Variants in FRY observed in about 807,000 individuals in gnomAD.
FRY encodes FRY microtubule binding protein.
Under a neutral mutation model 348.4 loss-of-function variants are expected in FRY, and 128 were observed. That is an observed-to-expected ratio of 0.37 (90% CI 0.32 to 0.43). The LOEUF (loss-of-function observed/expected upper bound fraction) is 0.43. Ranked by LOEUF, FRY falls within the 20% of genes least tolerant of loss-of-function variation. The pLI is 1.00. For synonymous variants in FRY, 1,370 were observed against 1,374.7 expected, an observed-to-expected ratio of 1.00 and a Z score of 0.08; for missense variants, 2,736 against 3,695.2, an observed-to-expected ratio of 0.74 and a Z score of 6.73.
At chr13:32,187,520 A>G in intron 27 of FRY, 26 bp from the exon 28 acceptor site, 1 of 1,339,008 alleles carries the variant, frequency 7.5e-7, no homozygotes, top group South Asian at 1.2e-5. Flanking sequence ...TTTCATTTCC[A>G]TGTCTTGTTG....
chr13:32,276,706 T>C lies in FRY; in HGVS notation c.8385+144T>C. 3 of 696,980 alleles carry C rather than the reference T, an allele frequency of 4.3e-6. No individual in the cohort carries two copies. The South Asian group carries it at 4.6e-5, about 11-fold the overall frequency. 43.2% of individuals were successfully genotyped at this position (696,980 alleles called of 1,614,324 possible). On this transcript the variant is annotated intron_variant, in intron 57 of 60. Transcript: ENST00000542859. ...GTTAAGGATTACAATTCCAATTTAA[T>C]GGTGGTAGAACTGTATACAATATTA...
intron 3 of FRY, among the ~76,000 whole-genome samples, chr13:32,108,861 C>A (rs1261123695): frequency 6.6e-6 from 1 of 152,138 alleles, no homozygotes; most frequent in East Asian, 1.9e-4. Context: ...CCATTGTAAA[C>A]AAACATTTCC....
At chr13:32,180,844 T>C (rs1161820776) in intron 23 of FRY, among the ~76,000 whole-genome samples, 1 of 152,156 alleles carries the variant, frequency 6.6e-6, no homozygotes, top group Non-Finnish European at 1.5e-5. Flanking sequence ...TTAGAGGCTA[T>C]TGAAAAAGAT....
intron 36 of FRY, among the ~76,000 whole-genome samples, chr13:32,224,002 G>T (rs555302070): frequency 1.3e-5 from 2 of 152,144 alleles, no homozygotes; most frequent in Non-Finnish European, 2.9e-5. Context: ...CTCCCAAAGT[G>T]CTGGGATTAC....
chr13:32,108,141 G>C (rs1035758354), intron 3 of FRY, among the ~76,000 whole-genome samples: 5 of 152,198 alleles, frequency 3.3e-5, no homozygotes, highest in Admixed American at 2.6e-4. Flanking sequence ...GGGTCAGGCA[G>C]TGCACAACCA....
intron 55 of FRY, among the ~76,000 whole-genome samples, chr13:32,270,595 T>C (rs544029804): frequency 2.3e-4 from 35 of 152,382 alleles, no homozygotes; most frequent in African/African-American, 6.3e-4. Context: ...GGATTATTCA[T>C]GCTTAATTTG....
chr13:32,239,296 C>A lies in FRY; in HGVS notation c.6463C>A (p.His2155Asn). The A allele has an allele frequency of 6.2e-7, 1 of 1,612,194 alleles. No individual in the cohort carries two copies. Among genetic ancestry groups the A allele is most frequent in the Non-Finnish European group, 8.5e-7 (1 of 1,178,246 alleles). ...VLCLLPQLIQ[H>N]FENPNQFCKD... Reference sequence around the variant, plus strand: ...GTGTCTCCTGCCTCAGCTGATTCAGCATTTTGAAAATCCCAATCAGTTCTG... The same window carrying A: ...GTGTCTCCTGCCTCAGCTGATTCAGAATTTTGAAAATCCCAATCAGTTCTG... The change falls in exon 45 of 61, where the codon CAT (histidine) becomes AAT (asparagine). Residue 2155 changes from histidine to asparagine, a missense_variant. This residue lies in a region of FRY where 789 missense variants were observed against 996.2 expected (regional missense o/e 0.79). Transcript: ENST00000542859. The surrounding 1 kb of genome is among the most constrained non-coding windows in gnomAD (Gnocchi z 4.3).
At chr13:32,121,016 T>C (rs761569135) in intron 4 of FRY, among the ~76,000 whole-genome samples, 5 of 152,248 alleles carry the variant, frequency 3.3e-5, no homozygotes, top group Non-Finnish European at 7.3e-5. Context: ...CACATATCAA[T>C]AGAATGTTTG....
intron 1 of FRY, among the ~76,000 whole-genome samples, chr13:32,032,786 AT>A (rs1471383394): frequency 6.6e-6 from 1 of 152,222 alleles, no homozygotes; most frequent in Non-Finnish European, 1.5e-5. Context: ...ATCAGCAGGT[AT>A]TACTGATGCT....
chr13:32,153,410 T>C (rs1351297885), intron 14 of FRY, among the ~76,000 whole-genome samples: 2 of 152,202 alleles, frequency 1.3e-5, no homozygotes, highest in East Asian at 3.8e-4. Flanking sequence ...TCAAAAGCAT[T>C]GTGCTCAGTG....
intron 8 of FRY, among the ~76,000 whole-genome samples, chr13:32,134,341 T>C (rs10219883): frequency 0.21 from 32,705 of 152,140 alleles, 3,729 homozygotes; most frequent in Middle Eastern, 0.27. Context: ...GTTTCCTTGT[T>C]GAGGTGGGAG....
At chr13:32,245,724 CA>C (rs1034434571) in intron 47 of FRY, among the ~76,000 whole-genome samples, 2 of 152,176 alleles carry the variant, frequency 1.3e-5, no homozygotes, top group African/African-American at 4.8e-5. Flanking sequence ...GGCTCCAGGC[CA>C]TGGGAGTAGT....
intron 1 of FRY, among the ~76,000 whole-genome samples, chr13:32,050,134 GT>G (rs1396295301): frequency 1.3e-5 from 2 of 152,034 alleles, no homozygotes; most frequent in African/African-American, 4.8e-5. Context: ...ATTTTCTTTG[GT>G]TTTGTTTTTC....
intron 41 of FRY, among the ~76,000 whole-genome samples, chr13:32,233,157 C>T (rs1191116432): frequency 6.6e-6 from 1 of 152,160 alleles, no homozygotes; most frequent in Non-Finnish European, 1.5e-5. Flanking sequence ...AGTCAATTTT[C>T]CAGGACCCTC....
intron 31 of FRY, among the ~76,000 whole-genome samples, chr13:32,203,749 C>T (rs1213294585): frequency 6.6e-6 from 1 of 152,032 alleles, no homozygotes; most frequent in Non-Finnish European, 1.5e-5. Context: ...TGTCACCTAA[C>T]TTCTTGCCTA....
intron 1 of FRY, among the ~76,000 whole-genome samples, chr13:32,055,183 C>T (rs1012785538): frequency 2.0e-5 from 3 of 151,962 alleles, no homozygotes; most frequent in African/African-American, 7.2e-5. Context: ...TACCTGGGCC[C>T]ACAGGTGCAT....
intron 35 of FRY, among the ~76,000 whole-genome samples, chr13:32,215,185 G>A (rs1884919470): frequency 6.6e-6 from 1 of 151,848 alleles, no homozygotes; most frequent in South Asian, 2.1e-4. Context: ...GAAAAATAAA[G>A]CAAATTTTAT....
chr13:32,208,350 A>C (rs1409275069), intron 31 of FRY, among the ~76,000 whole-genome samples: 1 of 152,280 alleles, frequency 6.6e-6, no homozygotes, highest in Non-Finnish European at 1.5e-5. Context: ...GATGGATGAT[A>C]GGCACTGTGC....
At chr13:32,208,571 T>A (rs1884492034) in intron 31 of FRY, among the ~76,000 whole-genome samples, 2 of 152,184 alleles carry the variant, frequency 1.3e-5, no homozygotes, top group South Asian at 4.1e-4. Context: ...CACCCTCTGA[T>A]ATACATCTTC....
Sources: allele counts gnomAD v4.1 joint callset (sites outside exome capture counted in the v4.1 genomes callset), GRCh38; gene constraint gnomAD v4.1.1; regional missense constraint gnomAD v4.1.1; non-coding constraint Gnocchi (gnomAD v3.1); transcripts MANE v1.5; gene names NCBI Gene and HGNC (gene_info 2026-07-23, HGNC 2026-07-21).